SOX5: variants seen among roughly 807,000 people sequenced by gnomAD.
SOX5 encodes transcription factor SOX-5.
SOX5 carries 9 observed loss-of-function variants against 92.0 expected under a neutral mutation model. That is an observed-to-expected ratio of 0.10 (90% CI 0.06 to 0.17). The LOEUF (loss-of-function observed/expected upper bound fraction) is 0.17. Ranked by LOEUF, SOX5 falls within the 10% of genes least tolerant of loss-of-function variation. The pLI, the probability that SOX5 is intolerant of heterozygous loss-of-function variation, is 1.00. For missense variants in SOX5, 642 were observed against 944.5 expected, an observed-to-expected ratio of 0.68 and a Z score of 4.20; for synonymous variants, 344 against 336.3, an observed-to-expected ratio of 1.02 and a Z score of -0.25.
intron 4 of SOX5, among the ~76,000 whole-genome samples, chr12:23,962,303 C>G (rs1947039325): frequency 6.6e-6 from 1 of 152,082 alleles, no homozygotes; most frequent in African/African-American, 2.4e-5. Flanking sequence ...ACCAGGAGAA[C>G]AGGGTTCATC....
At chr12:24,366,585 G>T (rs1848767217) in intron 2 of SOX5, among the ~76,000 whole-genome samples, 1 of 152,084 alleles carries the variant, frequency 6.6e-6, no homozygotes, top group Non-Finnish European at 1.5e-5. Flanking sequence ...TTAGATCTGT[G>T]CCTGGATTTT....
intron 1 of SOX5, among the ~76,000 whole-genome samples, chr12:24,469,167 G>A (rs1944528234): frequency 6.6e-6 from 1 of 152,172 alleles, no homozygotes; most frequent in African/African-American, 2.4e-5. Context: ...CGTAAGGAAT[G>A]TGCAACCTAG....
At chr12:23,534,812 C>T (rs527718639) in intron 14 of SOX5, among the ~76,000 whole-genome samples, 158 of 150,830 alleles carry the variant, frequency 1.0e-3, no homozygotes, top group Non-Finnish European at 1.8e-3. Context: ...AGGGTTCAAG[C>T]GATTCTCCTG....
rs562780594 is a variant in SOX5 at position 23,921,375 on chromosome 12, T to C, written c.39-25351A>G. Among the ~76,000 whole-genome samples, 17 of 150,322 alleles carry C rather than the reference T, an allele frequency of 1.1e-4. No homozygotes were observed. In the East Asian group the frequency reaches 1.2e-3, roughly 10 times the overall value. On this transcript the variant is annotated intron_variant, in intron 1 of 14. Transcript: ENST00000451604. The stretch of plus-strand genomic sequence containing the variant: ...TTGCTCTAAGACCTCAAAGTTGATA[T>C]GATCTTTAAAAAAAAAAAAAAGTCA...
chr12:23,911,867 C>A (rs888564904), intron 1 of SOX5, among the ~76,000 whole-genome samples: 6 of 152,090 alleles, frequency 3.9e-5, no homozygotes, highest in Admixed American at 2.6e-4. Context: ...CACAGAAGAA[C>A]ATCTTCGTGG....
intron 3 of SOX5, among the ~76,000 whole-genome samples, chr12:23,776,279 T>C (rs1351804248): frequency 6.6e-6 from 1 of 152,188 alleles, no homozygotes. Context: ...TAACAATTTA[T>C]TTTCCTCACT....
intron 3 of SOX5, among the ~76,000 whole-genome samples, chr12:24,239,349 A>G (rs1364705258): frequency 1.3e-5 from 2 of 152,272 alleles, no homozygotes; most frequent in Non-Finnish European, 2.9e-5. Flanking sequence ...GGAATAAAGT[A>G]GAACTGCATG....
intron 3 of SOX5, among the ~76,000 whole-genome samples, chr12:23,784,674 G>A (rs909995904): frequency 6.6e-6 from 1 of 152,178 alleles, no homozygotes; most frequent in Non-Finnish European, 1.5e-5. Flanking sequence ...AAAATAAAAT[G>A]GGAATATGCA....
chr12:23,828,825 A>G (rs922640628), intron 3 of SOX5, among the ~76,000 whole-genome samples: 1 of 152,146 alleles, frequency 6.6e-6, no homozygotes, highest in Non-Finnish European at 1.5e-5. Flanking sequence ...TTGGTCATCC[A>G]AAAAATGAGA....
In SOX5 at chr12:24,166,194, T is replaced by C. The variant is rs150282589; in HGVS notation, c.-2+47149A>G. On this transcript the variant is annotated intron_variant, in intron 4 of 4. Transcript: ENST00000446891. Reference sequence around the variant, plus strand: ...TTTTGGCTTGAGTGCCATTTGTAAGTAAGAGATGGAAAATACAAGAAGAGG... The same window carrying C: ...TTTTGGCTTGAGTGCCATTTGTAAGCAAGAGATGGAAAATACAAGAAGAGG... 1.8e-3 allele frequency among the ~76,000 whole-genome samples: 272 copies of C among 152,178 alleles called. 2 individuals carry two copies. Among genetic ancestry groups the C allele is most frequent in the African/African-American group, 6.2e-3 (259 of 41,512 alleles).
chr12:24,013,362 C>G (rs1037056347), intron 4 of SOX5, among the ~76,000 whole-genome samples: 1 of 152,116 alleles, frequency 6.6e-6, no homozygotes, highest in African/African-American at 2.4e-5. Context: ...GAGAACATGT[C>G]CCCTCAAAAC....
chr12:24,391,867 A>G (rs1240701493), intron 1 of SOX5, among the ~76,000 whole-genome samples: 1 of 152,160 alleles, frequency 6.6e-6, no homozygotes, highest in South Asian at 2.1e-4. Flanking sequence ...TCAGGGTAAC[A>G]TTTACTCAAC....
intron 3 of SOX5, among the ~76,000 whole-genome samples, chr12:23,824,244 C>G (rs2096184046): frequency 6.6e-6 from 1 of 152,176 alleles, no homozygotes; most frequent in Non-Finnish European, 1.5e-5. Context: ...TTTTCCTCAT[C>G]TTTGTGGATT....
In SOX5 at chr12:23,837,268, ATAATATG is replaced by A. The variant is rs1467346973; in HGVS notation, c.481+8708_481+8714del. Among the ~76,000 whole-genome samples, 121 of 69,232 alleles carry A rather than the reference ATAATATG, an allele frequency of 1.7e-3. 1 individual carries two copies. The East Asian group carries it at 0.088, about 50-fold the overall frequency. The allele number at this position is 69,232 out of a possible 152,430, so 45.4% of individuals were successfully genotyped here. On this transcript the variant is annotated intron_variant, in intron 3 of 14. Transcript: ENST00000451604. ...ATATATATTTATATTTATATAATAT[ATAATATG>A]TATTTATATTTATATTTATATAATA... is the stretch of plus-strand genomic sequence containing the variant.
intron 6 of SOX5, among the ~76,000 whole-genome samples, chr12:23,729,249 A>G (rs539041270): frequency 6.6e-6 from 1 of 152,314 alleles, no homozygotes; most frequent in South Asian, 2.1e-4. Flanking sequence ...TTGCAATAAT[A>G]AAACTCAAAG....
At position 24,371,999 on chromosome 12, in the gene SOX5, AAGAG is replaced by A. The variant is rs549724316; in HGVS notation, c.-250-3364_-250-3361del. Among the ~76,000 whole-genome samples, 1,261 of 151,498 alleles carry A rather than the reference AAGAG, an allele frequency of 8.3e-3. 16 individuals carry two copies. Among genetic ancestry groups the A allele is most frequent in the African/African-American group, 0.029 (1,193 of 41,314 alleles). ...TGAGACTCTGCCTTTAAAAAAAAAA[AAGAG>A]AGAGAGAGAGAGATCATTTGGAAAA... is the stretch of plus-strand genomic sequence containing the variant. On this transcript the variant is annotated intron_variant, in intron 1 of 4. Transcript: ENST00000446891.
chr12:23,644,355 G>A (rs952196073), intron 7 of SOX5, among the ~76,000 whole-genome samples: 10 of 152,196 alleles, frequency 6.6e-5, no homozygotes, highest in African/African-American at 1.7e-4. Context: ...GGAAAGATCC[G>A]GAGCCAGAGG....
intron 3 of SOX5, among the ~76,000 whole-genome samples, chr12:24,244,011 G>A (rs548450031): frequency 2.0e-5 from 3 of 147,410 alleles, no homozygotes; most frequent in Non-Finnish European, 3.0e-5. Flanking sequence ...CACTGATCAC[G>A]TTAGGAAGAT....
At chr12:23,762,314 C>T (rs1317829773) in intron 3 of SOX5, among the ~76,000 whole-genome samples, 1 of 152,122 alleles carries the variant, frequency 6.6e-6, no homozygotes, top group Non-Finnish European at 1.5e-5. Context: ...GAGAATACTG[C>T]TTCAGGCCAA....
Sources: allele counts gnomAD v4.1 joint callset (sites outside exome capture counted in the v4.1 genomes callset), GRCh38; gene constraint gnomAD v4.1.1; transcripts MANE v1.5; gene names NCBI Gene and HGNC (gene_info 2026-07-23, HGNC 2026-07-21).